Variants in ADAMTSL3 observed in about 807,000 individuals in gnomAD.
The protein encoded by ADAMTSL3 is ADAMTS-like protein 3.
Under a neutral mutation model 201.7 loss-of-function variants are expected in ADAMTSL3, and 128 were observed. The ratio of observed to expected loss-of-function variants is 0.63; its 90% CI spans 0.55 to 0.73. ADAMTSL3 has a LOEUF of 0.73. Ranked by LOEUF, ADAMTSL3 falls within the 30% of genes least tolerant of loss-of-function variation. The pLI is 0.00. For synonymous variants in ADAMTSL3, 738 were observed against 748.4 expected (o/e 0.99, Z 0.23); for missense variants, 1,990 against 2,119.6 (o/e 0.94, Z 1.20).
chr15:83,823,687 CCA>C (rs1290965727), intron 6 of ADAMTSL3, among the ~76,000 whole-genome samples: 3 of 152,204 alleles, frequency 2.0e-5, no homozygotes, highest in Admixed American at 2.0e-4. Flanking sequence ...ATGATTCCCT[CCA>C]GTCTGTTCTT....
At position 83,903,945 on chromosome 15, in the gene ADAMTSL3, GAAA is replaced by G. The variant is rs2065783160; in HGVS notation, c.1700+4218_1700+4220del. Among the ~76,000 whole-genome samples, 16 of 104,388 alleles carry G rather than the reference GAAA, an allele frequency of 1.5e-4. 1 individual carries two copies. Among genetic ancestry groups the G allele is most frequent in the Non-Finnish European group, 2.5e-4 (12 of 48,630 alleles). 68.5% of individuals were successfully genotyped at this position (104,388 alleles called of 152,430 possible). A position where few individuals can be genotyped will look rare whatever the true frequency, so the allele number is the denominator to read the frequency against. On this transcript the variant is annotated intron_variant, in intron 15 of 29. Coordinates refer to ENST00000286744, the MANE Select transcript of ADAMTSL3 (RefSeq NM_207517.3). The stretch of plus-strand genomic sequence containing the variant: ...AAAAAAAAAAAAAAAAAAAAAAAAA[GAAA>G]AAAGAAAGAAAGAAAGAAAGAAAAG...
chr15:83,939,625 C>A (rs1567250208), intron 17 of ADAMTSL3, among the ~76,000 whole-genome samples: 1 of 140,378 alleles, frequency 7.1e-6, no homozygotes, highest in Non-Finnish European at 1.6e-5. Context: ...GAAGGACCAA[C>A]TTTTTTTTTT....
At chr15:84,033,830 G>C (rs2068451030) in intron 28 of ADAMTSL3, among the ~76,000 whole-genome samples, 2 of 152,066 alleles carry the variant, frequency 1.3e-5, no homozygotes, top group Non-Finnish European at 1.5e-5. Context: ...AAAAATAAGA[G>C]GCAGAAAATG....
chr15:83,742,369 A>G (rs2062470604), intron 3 of ADAMTSL3, among the ~76,000 whole-genome samples: 1 of 152,174 alleles, frequency 6.6e-6, no homozygotes. Context: ...ACTTCCTATT[A>G]AAGAATGAAT....
intron 2 of ADAMTSL3, among the ~76,000 whole-genome samples, chr15:83,701,922 T>G (rs1172892922): frequency 6.6e-6 from 1 of 152,140 alleles, no homozygotes; most frequent in Non-Finnish European, 1.5e-5. Flanking sequence ...TGGAACAGTT[T>G]GGAGGGCTCA....
At chr15:83,846,440 G>C (rs888673317) in intron 7 of ADAMTSL3, among the ~76,000 whole-genome samples, 9 of 152,226 alleles carry the variant, frequency 5.9e-5, no homozygotes, top group African/African-American at 1.2e-4. Flanking sequence ...AGGACGGCGA[G>C]ATGAGCATGA....
chr15:83,841,029 G>A (rs1019652413), intron 7 of ADAMTSL3, among the ~76,000 whole-genome samples: 10 of 152,112 alleles, frequency 6.6e-5, no homozygotes, highest in Non-Finnish European at 1.3e-4. Flanking sequence ...TGTGAAAAGC[G>A]TTTTTTTAAA....
chr15:83,783,985 G>A (rs532102306), intron 4 of ADAMTSL3, among the ~76,000 whole-genome samples: 1 of 152,178 alleles, frequency 6.6e-6, no homozygotes, highest in East Asian at 1.9e-4. Context: ...TGCCTAAAGA[G>A]TTGCTGCTTT....
chr15:83,762,696 C>CA (rs1377730156), intron 3 of ADAMTSL3, among the ~76,000 whole-genome samples: 2 of 152,190 alleles, frequency 1.3e-5, no homozygotes, highest in Non-Finnish European at 2.9e-5. Context: ...AATACTATCA[C>CA]ATTGGTGATC....
intron 17 of ADAMTSL3, among the ~76,000 whole-genome samples, chr15:83,929,749 CAG>C (rs763103696): frequency 1.1e-4 from 16 of 149,868 alleles, no homozygotes; most frequent in Middle Eastern, 3.4e-3. Context: ...CACACACACA[CAG>C]AGAGACAGAG....
chr15:83,786,435 C>T (rs2063264436), intron 4 of ADAMTSL3, among the ~76,000 whole-genome samples: 1 of 152,074 alleles, frequency 6.6e-6, no homozygotes, highest in South Asian at 2.1e-4. Flanking sequence ...AAGGATTTAT[C>T]ATTTCTTTGT....
Position 83,973,203 on chromosome 15 carries a change from T to A in ADAMTSL3, c.2644+2566T>A, listed in dbSNP as rs562850286. 2.6e-5 allele frequency among the ~76,000 whole-genome samples: 4 copies of A among 152,250 alleles called. No homozygotes were observed. The South Asian group carries it at 8.3e-4, about 32-fold the overall frequency. On this transcript the variant is annotated intron_variant, in intron 20 of 29. Coordinates refer to ENST00000286744, the MANE Select transcript of ADAMTSL3 (RefSeq NM_207517.3). ...TGGCATGGTAACCCCTTAGACTTCC[T>A]CACTACTTGGCACTCAGAATTAGCT...
intron 4 of ADAMTSL3, among the ~76,000 whole-genome samples, chr15:83,780,139 G>A (rs2063143630): frequency 6.6e-6 from 1 of 152,210 alleles, no homozygotes; most frequent in Admixed American, 6.5e-5. Flanking sequence ...GCCGGGTGTA[G>A]TGGCTCACGC....
intron 15 of ADAMTSL3, among the ~76,000 whole-genome samples, chr15:83,902,166 G>A (rs1272550338): frequency 1.3e-5 from 2 of 152,078 alleles, no homozygotes; most frequent in African/African-American, 4.8e-5. Context: ...TCAGTTCCCA[G>A]GACACCTACA....
chr15:84,002,450 C>T (rs1298855622), intron 23 of ADAMTSL3, among the ~76,000 whole-genome samples: 2 of 152,186 alleles, frequency 1.3e-5, no homozygotes, highest in Non-Finnish European at 2.9e-5. Context: ...AGTCACTCAG[C>T]CCCATGTTAA....
At chr15:83,726,285 T>G (rs1425798385) in intron 3 of ADAMTSL3, among the ~76,000 whole-genome samples, 1 of 152,060 alleles carries the variant, frequency 6.6e-6, no homozygotes, top group Non-Finnish European at 1.5e-5. Context: ...GTTCTAATAG[T>G]TTTTTTGTGT....
Position 84,014,583 on chromosome 15 carries a change from T to C in ADAMTSL3, c.4015T>C (p.Ser1339Pro), listed in dbSNP as rs779431286. Residue 1339 changes from serine (S) to proline (P), a missense_variant, in exon 24 of 30, where the codon TCT (serine) becomes CCT (proline). Coordinates refer to ENST00000286744, the MANE Select transcript of ADAMTSL3 (RefSeq NM_207517.3). The part of the protein sequence containing the change: ...PNITWLKRGG[S>P]LSGNVSLLFN... ...TATAACTTGGTTGAAGAGAGGAGGA[T>C]CTCTGAGTGGCAATGTTTCCTTGCT... 6.2e-7 allele frequency: 1 copy of C among 1,613,992 alleles called. No homozygotes were observed. The highest frequency in any genetic ancestry group is 8.5e-7 in the Non-Finnish European group (1 of 1,180,010).
At chr15:83,697,634 A>T (rs2061703530) in intron 2 of ADAMTSL3, among the ~76,000 whole-genome samples, 2 of 152,218 alleles carry the variant, frequency 1.3e-5, no homozygotes, top group South Asian at 4.1e-4. Flanking sequence ...CCAGATGAAG[A>T]GATACGTAGG....
intron 9 of ADAMTSL3, among the ~76,000 whole-genome samples, chr15:83,877,079 C>A (rs2065191113): frequency 6.6e-6 from 1 of 152,100 alleles, no homozygotes; most frequent in South Asian, 2.1e-4. Context: ...CAGGTGTGAG[C>A]CACTGTGCCC....
Sources: allele counts gnomAD v4.1 joint callset (sites outside exome capture counted in the v4.1 genomes callset), GRCh38; gene constraint gnomAD v4.1.1; transcripts MANE v1.5; gene names NCBI Gene and HGNC (gene_info 2026-07-23, HGNC 2026-07-21).